The following CNTNAP2 variants were observed in gnomAD, a reference collection of about 807,000 sequenced individuals.
The protein encoded by CNTNAP2 is contactin associated protein 2.
In CNTNAP2, 98 loss-of-function variants were observed where a neutral mutation model predicts 155.2. That is an observed-to-expected ratio of 0.63 (90% confidence interval 0.54 to 0.75). CNTNAP2 has a LOEUF of 0.75. CNTNAP2 is among the 30% of genes least tolerant of loss of function. The pLI, the probability that CNTNAP2 is intolerant of heterozygous loss-of-function variation, is 0.00. For synonymous variants in CNTNAP2, 651 were observed against 631.2 expected, an observed-to-expected ratio of 1.03 and a Z score of -0.47; for missense variants, 1,727 against 1,688.1, an observed-to-expected ratio of 1.02 and a Z score of -0.40.
At chr7:148,106,493 G>GATAT (rs10532740) in intron 15 of CNTNAP2, among the ~76,000 whole-genome samples, 1,479 of 124,888 alleles carry the variant, frequency 0.012, 37 homozygotes, top group African/African-American at 0.037. Flanking sequence ...CACACTTTGA[G>GATAT]ATATATATAT....
At chr7:147,213,161 G>A (rs143480246) in intron 8 of CNTNAP2, among the ~76,000 whole-genome samples, 3 of 152,114 alleles carry the variant, frequency 2.0e-5, no homozygotes, top group Non-Finnish European at 4.4e-5. Flanking sequence ...CTGTAATTCA[G>A]TGTGAATCTG....
chr7:147,269,053 T>C (rs1459113775), intron 8 of CNTNAP2, among the ~76,000 whole-genome samples: 1 of 152,168 alleles, frequency 6.6e-6, no homozygotes, highest in African/African-American at 2.4e-5. Context: ...TACAATGTTA[T>C]GATGAAATGC....
At chr7:147,000,714 T>C (rs1001319368) in intron 3 of CNTNAP2, among the ~76,000 whole-genome samples, 1 of 152,128 alleles carries the variant, frequency 6.6e-6, no homozygotes, top group African/African-American at 2.4e-5. Context: ...TAAAAGTCCA[T>C]GAATTCTATA....
intron 5 of CNTNAP2, among the ~76,000 whole-genome samples, chr7:147,116,127 T>C (rs1236695641): frequency 1.3e-5 from 2 of 152,154 alleles, no homozygotes; most frequent in Non-Finnish European, 2.9e-5. Context: ...CTGTTTTTCC[T>C]GTACCTGGAA....
intron 8 of CNTNAP2, among the ~76,000 whole-genome samples, chr7:147,225,122 A>G (rs1803492076): frequency 6.6e-6 from 1 of 152,180 alleles, no homozygotes. Flanking sequence ...GTCTGTGTTT[A>G]CCATGTCCTA....
intron 3 of CNTNAP2, among the ~76,000 whole-genome samples, chr7:146,972,562 A>T (rs750214862): frequency 3.3e-5 from 5 of 152,200 alleles, no homozygotes; most frequent in Admixed American, 1.3e-4. Flanking sequence ...TAAAATAAAC[A>T]ATAATGATGT....
At chr7:147,602,236 T>C (rs927295570) in intron 12 of CNTNAP2, among the ~76,000 whole-genome samples, 3 of 152,098 alleles carry the variant, frequency 2.0e-5, no homozygotes, top group Admixed American at 6.6e-5. Flanking sequence ...TTTATAGGAA[T>C]TATAGGACAA....
intron 1 of CNTNAP2, among the ~76,000 whole-genome samples, chr7:146,507,255 C>T (rs1797398086): frequency 6.6e-6 from 1 of 152,190 alleles, no homozygotes; most frequent in Non-Finnish European, 1.5e-5. Flanking sequence ...GCAGAGCTCA[C>T]CTCCATTCCA....
chr7:146,188,430 G>A (rs375708392), intron 1 of CNTNAP2, among the ~76,000 whole-genome samples: 2 of 152,124 alleles, frequency 1.3e-5, no homozygotes, highest in African/African-American at 4.8e-5. Flanking sequence ...GCAGTTGCAC[G>A]CCCTAAGCAT....
At chr7:147,729,839 T>C (rs1363176260) in intron 13 of CNTNAP2, among the ~76,000 whole-genome samples, 1 of 152,086 alleles carries the variant, frequency 6.6e-6, no homozygotes, top group Non-Finnish European at 1.5e-5. Context: ...TTATAGAACA[T>C]GACTTTTACT....
intron 1 of CNTNAP2, among the ~76,000 whole-genome samples, chr7:146,519,298 A>G (rs1797583472): frequency 6.6e-6 from 1 of 151,914 alleles, no homozygotes; most frequent in Admixed American, 6.6e-5. Context: ...TAGAATTACA[A>G]TCAGGGCAAA....
chr7:147,320,024 G>C (rs1795319056), intron 9 of CNTNAP2, among the ~76,000 whole-genome samples: 1 of 152,158 alleles, frequency 6.6e-6, no homozygotes, highest in Non-Finnish European at 1.5e-5. Context: ...GGGTATGTTT[G>C]TATTCCAGTA....
intron 4 of CNTNAP2, among the ~76,000 whole-genome samples, chr7:147,088,394 A>T (rs1269507481): frequency 6.6e-6 from 1 of 152,326 alleles, no homozygotes; most frequent in East Asian, 1.9e-4. Context: ...AACAAAAAAT[A>T]GATGTTTTAA....
chr7:146,447,146 T>A (rs541386942), intron 1 of CNTNAP2, among the ~76,000 whole-genome samples: 3 of 152,146 alleles, frequency 2.0e-5, no homozygotes, highest in Admixed American at 6.5e-5. Flanking sequence ...TCTGCTAGAT[T>A]TATGCTGCAT....
chr7:148,027,665 A>G (rs1802398499), intron 15 of CNTNAP2, among the ~76,000 whole-genome samples: 1 of 152,244 alleles, frequency 6.6e-6, no homozygotes, highest in Non-Finnish European at 1.5e-5. Flanking sequence ...TTTAACAATC[A>G]TACCATCAAG....
chr7:147,112,856 T>C (rs947086964), intron 5 of CNTNAP2, among the ~76,000 whole-genome samples: 4 of 152,144 alleles, frequency 2.6e-5, no homozygotes, highest in Non-Finnish European at 1.5e-5. Flanking sequence ...GTTGTTGTTG[T>C]TGTATATCCA....
chr7:146,561,086 G>C lies in CNTNAP2; in HGVS notation c.98-213185G>C, dbSNP rs541271829. ...AACATGTCTGCATTATAATGTCAAA[G>C]GTAGAAAGAAATTGCCCATCATCGT... is the stretch of plus-strand genomic sequence containing the variant. On this transcript the variant is annotated intron_variant, in intron 1 of 23. Coordinates refer to ENST00000361727, the MANE Select transcript of CNTNAP2 (RefSeq NM_014141.6). Among the ~76,000 whole-genome samples the C allele has an allele frequency of 3.9e-5, 6 of 152,226 alleles. No individual in the cohort carries two copies. The East Asian group carries it at 9.7e-4, about 25-fold the overall frequency.
intron 2 of CNTNAP2, among the ~76,000 whole-genome samples, chr7:146,801,039 G>A (rs1802867900): frequency 6.6e-6 from 1 of 152,082 alleles, no homozygotes; most frequent in Non-Finnish European, 1.5e-5. Context: ...ACCTGAGGCT[G>A]GGTAATTTAT....
At chr7:146,851,740 T>C (rs1734896470) in intron 3 of CNTNAP2, among the ~76,000 whole-genome samples, 1 of 150,764 alleles carries the variant, frequency 6.6e-6, no homozygotes, top group Admixed American at 6.6e-5. Flanking sequence ...TAGAGTGCAG[T>C]GATGTGATCA....
Sources: gnomAD v4.1 joint callset for allele counts (sites outside exome capture counted in the v4.1 genomes callset) on GRCh38, gnomAD v4.1.1 for gene constraint, MANE v1.5 for transcripts, NCBI Gene and HGNC (gene_info 2026-07-23, HGNC 2026-07-21) for gene names.